VWF: variants seen among roughly 807,000 people sequenced by gnomAD.
VWF encodes Factor VIII related antigen.
VWF carries 176 observed loss-of-function variants against 308.6 expected under a neutral mutation model. The observed-to-expected ratio is 0.57, with a 90% CI of 0.50 to 0.65. The LOEUF is 0.65. Among genes scored for constraint, VWF ranks in the 30% least tolerant of loss-of-function variants. VWF has a pLI of 0.00. For missense variants in VWF, 3,146 were observed against 3,648.2 expected (o/e 0.86, Z 3.55); for synonymous variants, 1,385 against 1,443.4 (o/e 0.96, Z 0.92).
rs764077750 is a variant in VWF at position 6,016,635 on chromosome 12, G to A, written c.5192C>T (p.Ser1731Leu). ...GGTGATGCTTCCATACTGCAGCACTGACACCTGAGTGAGACGAGGCCCTAA... is the reference window on the plus strand; with the variant it reads ...GGTGATGCTTCCATACTGCAGCACTAACACCTGAGTGAGACGAGGCCCTAA... Reference protein sequence around the residue: ...ANIGPRLTQVSVLQYGSITTI... With the variant: ...ANIGPRLTQVLVLQYGSITTI... The change falls in exon 30 of 52, where the codon TCA becomes TTA. Residue 1731 changes from serine (S) to leucine (L), a missense_variant. Ser to Leu is a moderately radical substitution (Grantham distance 145, BLOSUM62 -2). Coordinates refer to ENST00000261405, the MANE Select transcript of VWF (RefSeq NM_000552.5). The A allele has an allele frequency of 6.2e-6, 10 of 1,614,092 alleles. No homozygotes were observed. The highest frequency in any genetic ancestry group is 8.5e-6 in the Non-Finnish European group (10 of 1,180,056).
intron 28 of VWF, 112 bp downstream of exon 28, chr12:6,018,253 A>C: frequency 7.3e-7 from 1 of 1,375,274 alleles, no homozygotes; most frequent in Non-Finnish European, 9.9e-7. Flanking sequence ...GGCCACACAG[A>C]CCAGGGAAGC....
At chr12:5,976,289 T>G in intron 42 of VWF, 29 bp from the exon 43 acceptor site, 1 of 1,614,034 alleles carries the variant, frequency 6.2e-7, no homozygotes, top group Non-Finnish European at 8.5e-7. Flanking sequence ...GTGAGTGAAC[T>G]CATTTGTTTC....
In VWF at chr12:6,003,512, CA is replaced by C. The variant is rs568588923; in HGVS notation, c.5843-7291del. Among the ~76,000 whole-genome samples, 499 of 132,210 alleles carry C rather than the reference CA, an allele frequency of 3.8e-3. 4 individuals are homozygous for C. Among genetic ancestry groups the C allele is most frequent in the African/African-American group, 7.1e-3 (256 of 35,938 alleles). The allele number at this position is 132,210 out of a possible 152,430, so 86.7% of individuals were successfully genotyped here. On this transcript the variant is annotated intron_variant, in intron 34 of 51. Coordinates refer to ENST00000261405, the MANE Select transcript of VWF (RefSeq NM_000552.5). ...AAACGGGAGTTAAAATGTTTCACTA[CA>C]AAAAAAAAAAAATCAACCAAACACA...
intron 20 of VWF, among the ~76,000 whole-genome samples, chr12:6,033,758 CG>C (rs148656424): frequency 7.1e-6 from 1 of 141,072 alleles, no homozygotes; most frequent in East Asian, 1.9e-4. Context: ...CACGAGTGGT[CG>C]GTCCACAGTC....
intron 18 of VWF, 85 bp downstream of exon 18, chr12:6,044,206 T>A: frequency 6.5e-7 from 1 of 1,546,576 alleles, no homozygotes; most frequent in Non-Finnish European, 8.8e-7. Context: ...TGTTTCTTCC[T>A]CTCTCTGGCT....
chr12:6,082,127 C>T (rs1339643972), intron 6 of VWF, among the ~76,000 whole-genome samples: 1 of 152,014 alleles, frequency 6.6e-6, no homozygotes, highest in Non-Finnish European at 1.5e-5. Context: ...CCACCACGCC[C>T]GGCTAATTTT....
rs1259802395 is a variant in VWF, at chr12:6,080,293, G to A, written c.658-4742C>T. On this transcript the variant is annotated intron_variant, in intron 6 of 51. Coordinates refer to ENST00000261405, the MANE Select transcript of VWF (RefSeq NM_000552.5). ...TGAATCAAACCTAACAGTGATGAAC[G>A]CAGACAGGAGTAAGTCATGCCTTTC... 3.9e-5 allele frequency among the ~76,000 whole-genome samples: 6 copies of A among 152,322 alleles called. No individual in the cohort carries two copies. The South Asian group carries it at 8.3e-4, about 21-fold the overall frequency.
chr12:6,095,938 C>G (rs7965760), intron 5 of VWF: 23,819 of 356,966 alleles, frequency 0.067, 2,085 homozygotes, highest in African/African-American at 0.28. Flanking sequence ...TCCCCAGTAG[C>G]TGGGAATGCA....
chr12:6,057,699 A>T, intron 14 of VWF, 150 bp downstream of exon 14: 1 of 882,008 alleles, frequency 1.1e-6, no homozygotes, highest in Non-Finnish European at 1.6e-6. Flanking sequence ...TCAGATGATC[A>T]AGTGCTGACG....
chr12:6,011,323 CA>C (rs1471301400), intron 34 of VWF, among the ~76,000 whole-genome samples: 31 of 152,206 alleles, frequency 2.0e-4, no homozygotes, highest in Non-Finnish European at 5.9e-5. Context: ...GTTGACTTGC[CA>C]ACAGCCAAGC....
intron 13 of VWF, among the ~76,000 whole-genome samples, chr12:6,061,317 C>T (rs1944651990): frequency 6.6e-6 from 1 of 152,072 alleles, no homozygotes. Context: ...CTGGTCCTTG[C>T]CCGGTAACTA....
At chr12:5,965,147 G>A (rs913250156) in intron 47 of VWF, among the ~76,000 whole-genome samples, 9 of 152,106 alleles carry the variant, frequency 5.9e-5, no homozygotes, top group Non-Finnish European at 8.8e-5. Flanking sequence ...TTTGATCACC[G>A]CAGGAAACAT....
At chr12:6,114,906 G>A (rs1945346492) in intron 3 of VWF, among the ~76,000 whole-genome samples, 1 of 152,198 alleles carries the variant, frequency 6.6e-6, no homozygotes, top group Non-Finnish European at 1.5e-5. Flanking sequence ...CTAGGGGCAG[G>A]AGTGGGGCTG....
chr12:6,001,120 T>G (rs1434355981), intron 34 of VWF, among the ~76,000 whole-genome samples: 1 of 152,136 alleles, frequency 6.6e-6, no homozygotes, highest in East Asian at 1.9e-4. Context: ...GATTAATGAA[T>G]GCTTAAATTT....
chr12:6,055,761 TACACACACACACACACAC>T lies in VWF; in HGVS notation c.1945+1078_1945+1095del, dbSNP rs35414262. On this transcript the variant is annotated intron_variant, in intron 15 of 51. Transcript: ENST00000261405. ...TCTACTTTATATATATATATATGTA[TACACACACACACACACAC>T]ACACACACACACACACACAGGGTCT... Among the ~76,000 whole-genome samples the T allele has an allele frequency of 2.2e-5, 3 of 135,348 alleles. 1 individual carries two copies. The highest frequency in any genetic ancestry group is 4.8e-4 in the South Asian group (2 of 4,176). The allele number at this position is 135,348 out of a possible 152,430, so 88.8% of individuals were successfully genotyped here.
rs1007754649 is a variant in VWF, at chr12:5,952,643, G to A, written c.7987-124C>T. 13 of 1,364,010 alleles carry A rather than the reference G, an allele frequency of 9.5e-6. No individual in the cohort carries two copies. In the South Asian group the frequency reaches 1.5e-4, roughly 16 times the overall value. 84.5% of individuals were successfully genotyped at this position (1,364,010 alleles called of 1,614,324 possible). The stretch of plus-strand genomic sequence containing the variant: ...TGCAGAACCATGAAACAAGAAGACA[G>A]TGTATAATAAAGCCCCCACACCCAG... On this transcript the variant is annotated intron_variant, in intron 48 of 51. Transcript: ENST00000261405.
At chr12:6,096,883 G>A (rs369049324) in intron 5 of VWF, among the ~76,000 whole-genome samples, 1 of 152,170 alleles carries the variant, frequency 6.6e-6, no homozygotes, top group East Asian at 1.9e-4. Flanking sequence ...GTCAAGTAAT[G>A]CATTTGCAAA....
At position 6,064,327 on chromosome 12, in the gene VWF, G is replaced by A. The variant is rs754056398; in HGVS notation, c.1351C>T (p.Leu451=). The A allele has an allele frequency of 1.3e-5, 21 of 1,614,086 alleles. No homozygotes were observed. Among genetic ancestry groups the A allele is most frequent in the Admixed American group, 5.0e-5 (3 of 60,018 alleles). Residue 451 remains leucine (L), a synonymous_variant, in exon 12 of 52, where the codon CTG becomes TTG. Coordinates refer to ENST00000261405, the MANE Select transcript of VWF (RefSeq NM_000552.5). ...TRSVTVRLPG[L]HNSLVKLKHG... Reference sequence around the variant, plus strand: ...TTCAGTTTCACAAGGCTGTTGTGCAGGCCAGGCAGCCGGACGGTGACGGAG... The same window carrying A: ...TTCAGTTTCACAAGGCTGTTGTGCAAGCCAGGCAGCCGGACGGTGACGGAG...
chr12:6,011,278 C>T (rs1432440027), intron 34 of VWF, among the ~76,000 whole-genome samples: 1 of 152,210 alleles, frequency 6.6e-6, no homozygotes, highest in Non-Finnish European at 1.5e-5. Flanking sequence ...TGCTATACTT[C>T]CACTGCTATA....
Sources: gnomAD v4.1 joint callset for allele counts (sites outside exome capture counted in the v4.1 genomes callset) on GRCh38, gnomAD v4.1.1 for gene constraint, MANE v1.5 for transcripts, NCBI Gene and HGNC (gene_info 2026-07-23, HGNC 2026-07-21) for gene names.